ALK: variants seen among roughly 807,000 people sequenced by gnomAD.
The protein encoded by ALK is ALK tyrosine kinase receptor.
ALK carries 74 observed loss-of-function variants against 163.1 expected under a neutral mutation model. The observed-to-expected ratio is 0.45, with a 90% CI of 0.38 to 0.55. The LOEUF is 0.55. Ranked by LOEUF, ALK falls within the 20% of genes least tolerant of loss-of-function variation. ALK has a pLI of 0.00. For missense variants in ALK, 2,063 were observed against 2,105.3 expected, an observed-to-expected ratio of 0.98 and a Z score of 0.39; for synonymous variants, 960 against 843.2, an observed-to-expected ratio of 1.14 and a Z score of -2.40.
At chr2:29,826,486 GTC>G (rs1284743298) in intron 1 of ALK, among the ~76,000 whole-genome samples, 2 of 150,758 alleles carry the variant, frequency 1.3e-5, no homozygotes, top group South Asian at 2.1e-4. Context: ...GTCTTTACCA[GTC>G]TCTCTCTCTC....
intron 28 of ALK, among the ~76,000 whole-genome samples, chr2:29,195,929 C>T (rs922961310): frequency 4.6e-5 from 7 of 152,002 alleles, no homozygotes; most frequent in Admixed American, 2.0e-4. Context: ...GGAGGAGAGA[C>T]GGGAAGGCAG....
rs114991822 is a variant in ALK at position 29,227,517 on chromosome 2, G to C, written c.2914+57C>G. 1.4e-6 allele frequency: 2 copies of C among 1,420,888 alleles called. No individual in the cohort carries two copies. Among genetic ancestry groups the C allele is most frequent in the Non-Finnish European group, 2.0e-6 (2 of 1,003,714 alleles). 88.0% of individuals were successfully genotyped at this position (1,420,888 alleles called of 1,614,324 possible). A position where few individuals can be genotyped will look rare whatever the true frequency, so the allele number is the denominator to read the frequency against. On this transcript the variant is annotated intron_variant, in intron 17 of 28. Coordinates refer to ENST00000389048, the MANE Select transcript of ALK (RefSeq NM_004304.5). This position sits in a 1 kb window ranked among gnomAD's most constrained non-coding sequence, Gnocchi z 4.4. ...ACAGGTCAGAGACTCTGAGGTTTTA[G>C]CTTGGTGGGAGGACTGACCTAAGCA...
Position 29,359,142 on chromosome 2 carries a change from C to A in ALK, c.1282+24590G>T, listed in dbSNP as rs138600309. 3.1e-3 allele frequency among the ~76,000 whole-genome samples: 465 copies of A among 151,924 alleles called. 5 individuals are homozygous for A. The highest frequency in any genetic ancestry group is 1.0e-2 in the African/African-American group (414 of 41,446). On this transcript the variant is annotated intron_variant, in intron 5 of 28. Transcript: ENST00000389048. ...AAAAAAGAGAATCTTCTAGGTATATCTAAAAGGATGACCCAAACCAGAATG... is the reference window on the plus strand; with the variant it reads ...AAAAAAGAGAATCTTCTAGGTATATATAAAAGGATGACCCAAACCAGAATG...
intron 1 of ALK, among the ~76,000 whole-genome samples, chr2:29,763,749 A>T (rs1330558452): frequency 6.6e-6 from 1 of 152,166 alleles, no homozygotes; most frequent in African/African-American, 2.4e-5. Flanking sequence ...GATTTGTCTG[A>T]GGCCCCTGAG....
At chr2:29,547,971 A>G (rs945721553) in intron 3 of ALK, among the ~76,000 whole-genome samples, 9 of 152,336 alleles carry the variant, frequency 5.9e-5, no homozygotes, top group African/African-American at 2.2e-4. Flanking sequence ...CTAAAAAACA[A>G]TTTTGTTGTT....
rs79236204 is a variant in ALK at position 29,353,833 on chromosome 2, C to T, written c.1283-25352G>A. Among the ~76,000 whole-genome samples, 145 of 152,256 alleles carry T rather than the reference C, an allele frequency of 9.5e-4. 5 individuals are homozygous for T. In the East Asian group the frequency reaches 0.024, roughly 25 times the overall value. ...AAAGTGGCAGTTTCACATGATTCAA[C>T]CTAATGCATTCAGACTCTGCTGAAT... On this transcript the variant is annotated intron_variant, in intron 5 of 28. Transcript: ENST00000389048.
intron 1 of ALK, among the ~76,000 whole-genome samples, chr2:29,900,995 GAGCAAGCA>G (rs58490938): frequency 0.019 from 2,767 of 148,686 alleles, 94 homozygotes; most frequent in African/African-American, 0.064. Flanking sequence ...GAGAGAGAGA[GAGCAAGCA>G]AGCAAGCAAG....
chr2:29,863,793 C>T (rs559207729), intron 1 of ALK, among the ~76,000 whole-genome samples: 5 of 152,070 alleles, frequency 3.3e-5, no homozygotes, highest in Non-Finnish European at 7.4e-5. Context: ...TCAAGGGAAA[C>T]GAAATCAGTA....
At chr2:29,667,446 T>G (rs144216832) in intron 3 of ALK, among the ~76,000 whole-genome samples, 1 of 152,184 alleles carries the variant, frequency 6.6e-6, no homozygotes, top group East Asian at 1.9e-4. Context: ...ATGTTAGCTG[T>G]GGGTTTCTCA....
intron 3 of ALK, among the ~76,000 whole-genome samples, chr2:29,578,914 G>A (rs926433409): frequency 5.3e-5 from 8 of 152,314 alleles, no homozygotes; most frequent in East Asian, 1.9e-4. Context: ...TCTGAGCACT[G>A]TCTCTGTGCT....
chr2:29,476,763 T>C (rs760160259), intron 4 of ALK, among the ~76,000 whole-genome samples: 1 of 151,908 alleles, frequency 6.6e-6, no homozygotes, highest in Non-Finnish European at 1.5e-5. Flanking sequence ...ACAGATTAGG[T>C]GTGTAAAAGA....
chr2:29,878,574 T>C (rs1377400362), intron 1 of ALK, among the ~76,000 whole-genome samples: 1 of 152,236 alleles, frequency 6.6e-6, no homozygotes, highest in Non-Finnish European at 1.5e-5. Flanking sequence ...TTAAAACAAC[T>C]TCCCCTAGCT....
intron 1 of ALK, among the ~76,000 whole-genome samples, chr2:29,728,500 C>T (rs1679637560): frequency 6.6e-6 from 1 of 152,240 alleles, no homozygotes; most frequent in Non-Finnish European, 1.5e-5. Context: ...ATCCAACAAC[C>T]TCTCAAGTCC....
At chr2:29,613,946 C>T (rs938756517) in intron 3 of ALK, among the ~76,000 whole-genome samples, 5 of 152,100 alleles carry the variant, frequency 3.3e-5, no homozygotes, top group Admixed American at 1.3e-4. Flanking sequence ...GACTAATGGG[C>T]AATGAAACAG....
intron 3 of ALK, among the ~76,000 whole-genome samples, chr2:29,578,853 T>C (rs1317543625): frequency 6.6e-6 from 1 of 152,214 alleles, no homozygotes; most frequent in Non-Finnish European, 1.5e-5. Flanking sequence ...GGACTGCATC[T>C]ACCCTGGAGT....
chr2:29,227,395 A>C lies in ALK; in HGVS notation c.2914+179T>G, dbSNP rs1181500179. On this transcript the variant is annotated intron_variant, in intron 17 of 28. Coordinates refer to ENST00000389048, the MANE Select transcript of ALK (RefSeq NM_004304.5). The surrounding 1 kb of genome is among the most constrained non-coding windows in gnomAD (Gnocchi z 4.4). ...CCTAGGATTCTGCCTCTGCATTCAT[A>C]TTAAAGCACACATCCTGACTTCTGG... Among the ~76,000 whole-genome samples the C allele has an allele frequency of 6.6e-6, 1 of 152,098 alleles. No homozygotes were observed. Among genetic ancestry groups the C allele is most frequent in the East Asian group, 1.9e-4 (1 of 5,182 alleles).
intron 26 of ALK, among the ~76,000 whole-genome samples, chr2:29,201,976 C>G (rs1669192187): frequency 6.6e-6 from 1 of 152,064 alleles, no homozygotes; most frequent in South Asian, 2.1e-4. Context: ...GATCATATCA[C>G]ACTCCTGCTT....
At chr2:29,657,502 C>T (rs1319596605) in intron 3 of ALK, among the ~76,000 whole-genome samples, 2 of 152,038 alleles carry the variant, frequency 1.3e-5, no homozygotes, top group East Asian at 1.9e-4. Context: ...ACCAAAGGTG[C>T]CTGGGTAAAG....
intron 1 of ALK, among the ~76,000 whole-genome samples, chr2:29,725,893 T>C (rs1421205815): frequency 6.6e-6 from 1 of 152,172 alleles, no homozygotes; most frequent in Non-Finnish European, 1.5e-5. Context: ...ATTTGATAGT[T>C]CCAGGTCACT....
Sources: allele counts gnomAD v4.1 joint callset (sites outside exome capture counted in the v4.1 genomes callset), GRCh38; gene constraint gnomAD v4.1.1; non-coding constraint Gnocchi (gnomAD v3.1); transcripts MANE v1.5; gene names NCBI Gene and HGNC (gene_info 2026-07-23, HGNC 2026-07-21).